The following MRAP2 variants were observed in gnomAD, a reference collection of about 807,000 sequenced individuals.
MRAP2 encodes melanocortin 2 receptor accessory protein 2.
In MRAP2, 20 loss-of-function variants were observed where a neutral mutation model predicts 17.4. That is an observed-to-expected ratio of 1.15 (90% CI 0.81 to 1.67). MRAP2 has a LOEUF of 1.67. MRAP2 is among the 40% of genes most tolerant of loss of function. MRAP2 has a pLI of 0.00. For synonymous variants in MRAP2, 96 were observed against 88.4 expected, an observed-to-expected ratio of 1.09 and a Z score of -0.48; for missense variants, 238 against 240.0, an observed-to-expected ratio of 0.99 and a Z score of 0.05.
chr6:84,064,773 C>G (rs1437696525), intron 3 of MRAP2, among the ~76,000 whole-genome samples: 2 of 152,146 alleles, frequency 1.3e-5, no homozygotes, highest in South Asian at 2.1e-4. Context: ...AGGCGTGAGC[C>G]ACCGCGCCGG....
the MRAP2 span, among the ~76,000 whole-genome samples, chr6:84,145,099 A>G: frequency 2.0e-5 from 3 of 152,144 alleles, no homozygotes; most frequent in African/African-American, 4.8e-5. Flanking sequence ...TCTGACGCCA[A>G]TAAAGTCCCT....
chr6:84,127,534 T>C, the MRAP2 span, among the ~76,000 whole-genome samples: 19 of 152,194 alleles, frequency 1.2e-4, no homozygotes, highest in Non-Finnish European at 2.5e-4. Context: ...TGAGTGTTGG[T>C]TGGGCATAAA....
At position 84,089,586 on chromosome 6, in the gene MRAP2, A is replaced by G; in HGVS notation, c.*105A>G. On this transcript the variant is annotated 3_prime_UTR_variant, in exon 4 of 4. Transcript: ENST00000257776. The stretch of plus-strand genomic sequence containing the variant: ...GTGTGTGTTTGGGGGAGAGAGAGAC[A>G]TAGAGATAGAGACAGAGAGGCAGAG... The G allele has an allele frequency of 7.8e-7, 1 of 1,282,168 alleles. No homozygotes were observed. Among genetic ancestry groups the G allele is most frequent in the Non-Finnish European group, 1.1e-6 (1 of 925,008 alleles). 79.4% of individuals were successfully genotyped at this position (1,282,168 alleles called of 1,614,324 possible).
At chr6:84,094,365 T>C (rs1053114439), downstream of MRAP2, among the ~76,000 whole-genome samples, 1 of 152,220 alleles carries the variant, frequency 6.6e-6, no homozygotes, top group Non-Finnish European at 1.5e-5. Context: ...TCATCAATCC[T>C]GATTCCTCTT....
chr6:84,088,609 T>C (rs1181807691), intron 3 of MRAP2, among the ~76,000 whole-genome samples: 1 of 152,222 alleles, frequency 6.6e-6, no homozygotes, highest in African/African-American at 2.4e-5. Context: ...ATATTTAATG[T>C]ACCCCTATGA....
chr6:84,124,819 C>T, the MRAP2 span: 1 of 461,624 alleles, frequency 2.2e-6, no homozygotes, highest in Non-Finnish European at 3.8e-6. Flanking sequence ...ACAAGTGAGC[C>T]CTTCTCTGCT....
At chr6:84,140,293 C>T in the MRAP2 span, among the ~76,000 whole-genome samples, 5 of 151,876 alleles carry the variant, frequency 3.3e-5, no homozygotes, top group East Asian at 7.8e-4. Flanking sequence ...GAGTCCTATC[C>T]CAGCAGTGCC....
At chr6:84,086,078 T>G (rs1167551605) in intron 3 of MRAP2, among the ~76,000 whole-genome samples, 1 of 152,220 alleles carries the variant, frequency 6.6e-6, no homozygotes, top group East Asian at 1.9e-4. Context: ...CTGGAGACCA[T>G]TTATGTCAAC....
At chr6:84,066,918 C>T (rs2099494870) in intron 3 of MRAP2, among the ~76,000 whole-genome samples, 1 of 152,108 alleles carries the variant, frequency 6.6e-6, no homozygotes, top group Non-Finnish European at 1.5e-5. Flanking sequence ...TATTGGGGTA[C>T]AGGTGGTATT....
the MRAP2 span, chr6:84,125,173 C>T: frequency 2.0e-5 from 33 of 1,613,540 alleles, no homozygotes; most frequent in Non-Finnish European, 2.3e-5. Flanking sequence ...TAGTTCTGTG[C>T]GGAACTTCTC....
At chr6:84,088,963 T>C in intron 3 of MRAP2, 128 bp from the exon 4 acceptor site, 6 of 981,012 alleles carry the variant, frequency 6.1e-6, no homozygotes, top group Non-Finnish European at 8.9e-6. Context: ...CTGCATGCCA[T>C]GCAAGGGGCT....
chr6:84,124,932 A>G, the MRAP2 span: 6 of 701,240 alleles, frequency 8.6e-6, no homozygotes. Flanking sequence ...AAGGCAATTT[A>G]TTTTGAAATG....
At chr6:84,121,148 C>A in the MRAP2 span, among the ~76,000 whole-genome samples, 1 of 150,804 alleles carries the variant, frequency 6.6e-6, no homozygotes, top group Non-Finnish European at 1.5e-5. Context: ...AATCATAGCT[C>A]ACTGCAGCCT....
At position 84,062,974 on chromosome 6, in the gene MRAP2, C is replaced by G; in HGVS notation, c.209C>G (p.Thr70Arg). 1 of 1,614,190 alleles carries G rather than the reference C, an allele frequency of 6.2e-7. No homozygotes were observed. Residue 70 changes from threonine (T) to arginine (R), a missense_variant, in exon 3 of 4, where the codon ACA becomes AGA. Thr to Arg is a moderately conservative substitution (Grantham distance 71, BLOSUM62 -1). Transcript: ENST00000257776. ...TTTGTGCTGACCTTGCTGACCAAGACAGGAGCCCCACACCAAGAGTAAGTT... is the reference window on the plus strand; with the variant it reads ...TTTGTGCTGACCTTGCTGACCAAGAGAGGAGCCCCACACCAAGAGTAAGTT... ...MFFVLTLLTK[T>R]GAPHQDNAES...
chr6:84,095,801 A>G (rs534659077), downstream of MRAP2, among the ~76,000 whole-genome samples: 12 of 152,330 alleles, frequency 7.9e-5, no homozygotes, highest in African/African-American at 2.9e-4. Flanking sequence ...TTGAGTTGGC[A>G]GCTTGTGCTG....
chr6:84,118,611 G>A, the MRAP2 span, among the ~76,000 whole-genome samples: 1 of 152,362 alleles, frequency 6.6e-6, no homozygotes, highest in East Asian at 1.9e-4. Flanking sequence ...GAAGGGCTGA[G>A]TTGACCAAAC....
chr6:84,090,522 T>C lies in MRAP2; in HGVS notation c.*1041T>C, dbSNP rs543425111. 2.0e-5 allele frequency: 3 copies of C among 152,230 alleles called. No individual in the cohort carries two copies. The highest frequency in any genetic ancestry group is 6.5e-5 in the Admixed American group (1 of 15,270). The allele number at this position is 152,230 out of a possible 1,614,324, so 9.4% of individuals were successfully genotyped here. A position where few individuals can be genotyped will look rare whatever the true frequency, so the allele number is the denominator to read the frequency against. On this transcript the variant is annotated 3_prime_UTR_variant, in exon 4 of 4. Coordinates refer to ENST00000257776, the MANE Select transcript of MRAP2 (RefSeq NM_138409.4). ...CAGCTGAATGAGAGGAGGTGCCTTCTGGGTATCTCTGTGTTGGTGTATCTG... is the reference window on the plus strand; with the variant it reads ...CAGCTGAATGAGAGGAGGTGCCTTCCGGGTATCTCTGTGTTGGTGTATCTG...
At chr6:84,081,354 C>T (rs1029709936) in intron 3 of MRAP2, among the ~76,000 whole-genome samples, 6 of 152,082 alleles carry the variant, frequency 3.9e-5, no homozygotes, top group African/African-American at 1.2e-4. Context: ...CATAAGGTGT[C>T]GGTATGTTTT....
chr6:84,071,327 C>G (rs1190614926), intron 3 of MRAP2, among the ~76,000 whole-genome samples: 2 of 152,270 alleles, frequency 1.3e-5, no homozygotes, highest in East Asian at 3.9e-4. Context: ...TGTATCTTTC[C>G]TTCATATATG....
Sources: gnomAD v4.1 joint callset for allele counts (sites outside exome capture counted in the v4.1 genomes callset) on GRCh38, gnomAD v4.1.1 for gene constraint, MANE v1.5 for transcripts, NCBI Gene and HGNC (gene_info 2026-07-23, HGNC 2026-07-21) for gene names.